Variants in UGT1A6 observed in about 807,000 individuals in gnomAD.
The protein encoded by UGT1A6 is UDP glucuronosyltransferase family 1 member A6.
Under a neutral mutation model 44.4 loss-of-function variants are expected in UGT1A6, and 32 were observed. The ratio of observed to expected loss-of-function variants is 0.72; its 90% CI spans 0.54 to 0.97. The LOEUF is 0.97. Among genes scored for constraint, UGT1A6 ranks in the 50% least tolerant of loss-of-function variants. The pLI is 0.00. For missense variants in UGT1A6, 685 were observed against 661.9 expected, an observed-to-expected ratio of 1.03 and a Z score of -0.38; for synonymous variants, 238 against 248.5, an observed-to-expected ratio of 0.96 and a Z score of 0.40.
At position 233,743,406 on chromosome 2, in the gene UGT1A6, C is replaced by T. The variant is rs904424565; in HGVS notation, c.862-23628C>T. 16 of 1,310,784 alleles carry T rather than the reference C, an allele frequency of 1.2e-5. No individual in the cohort carries two copies. In the Admixed American group the frequency reaches 2.0e-4, roughly 16 times the overall value. The allele number at this position is 1,310,784 out of a possible 1,614,324, so 81.2% of individuals were successfully genotyped here. A position where few individuals can be genotyped will look rare whatever the true frequency, so the allele number is the denominator to read the frequency against. On this transcript the variant is annotated intron_variant, in intron 1 of 4. Transcript: ENST00000305139. ...AGGACATGCAGAAGGAAGAAAGGCC[C>T]CCACTTCCCAGGGAGCCAAAGGAAC...
intron 1 of UGT1A6, chr2:233,719,131 A>T: frequency 2.5e-6 from 4 of 1,614,200 alleles, no homozygotes; most frequent in Non-Finnish European, 3.4e-6. Flanking sequence ...TTTGAAACAG[A>T]ACATCTTCTG....
At chr2:233,706,646 C>T (rs1489245127) in intron 1 of UGT1A6, among the ~76,000 whole-genome samples, 1 of 152,072 alleles carries the variant, frequency 6.6e-6, no homozygotes, top group Non-Finnish European at 1.5e-5. Flanking sequence ...GTGTCTGTGC[C>T]CCATCACTGT....
intron 1 of UGT1A6, among the ~76,000 whole-genome samples, chr2:233,694,695 C>T (rs767071977): frequency 2.6e-4 from 40 of 152,288 alleles, no homozygotes; most frequent in Admixed American, 1.3e-3. Flanking sequence ...AGACCCTTAC[C>T]TCTCTTCTTT....
intron 1 of UGT1A6, among the ~76,000 whole-genome samples, chr2:233,694,123 T>TA: frequency 6.6e-6 from 1 of 152,238 alleles, no homozygotes; most frequent in East Asian, 1.9e-4. Flanking sequence ...GACAGTCACA[T>TA]ACTCATTGAA....
intron 1 of UGT1A6, among the ~76,000 whole-genome samples, chr2:233,701,090 G>A (rs1014206515): frequency 6.6e-6 from 1 of 152,156 alleles, no homozygotes; most frequent in Non-Finnish European, 1.5e-5. Flanking sequence ...TGGTGTATAT[G>A]TGCCACATTT....
upstream of UGT1A6, among the ~76,000 whole-genome samples, chr2:233,692,668 A>G (rs1449549810): frequency 1.3e-5 from 2 of 152,184 alleles, no homozygotes; most frequent in African/African-American, 4.8e-5. Flanking sequence ...TTCGGGATAG[A>G]GAATTGGCAG....
intron 1 of UGT1A6, among the ~76,000 whole-genome samples, chr2:233,763,438 G>A (rs1487731202): frequency 6.6e-6 from 1 of 152,146 alleles, no homozygotes; most frequent in African/African-American, 2.4e-5. Context: ...GCTTTAATAA[G>A]TGCATTTTGC....
chr2:233,700,852 C>G (rs1159927866), intron 1 of UGT1A6, among the ~76,000 whole-genome samples: 2 of 152,028 alleles, frequency 1.3e-5, no homozygotes, highest in Non-Finnish European at 2.9e-5. Context: ...AGGTATATCT[C>G]CTAATGCTAT....
At chr2:233,750,164 A>C (rs1331972474) in intron 1 of UGT1A6, among the ~76,000 whole-genome samples, 1 of 151,848 alleles carries the variant, frequency 6.6e-6, no homozygotes, top group Non-Finnish European at 1.5e-5. Context: ...AATGGTTTTG[A>C]CCAAAATGCT....
chr2:233,727,644 C>G lies in UGT1A6; in HGVS notation c.861+33779C>G, dbSNP rs139554548. On this transcript the variant is annotated intron_variant, in intron 1 of 4. Coordinates refer to ENST00000305139, the MANE Select transcript of UGT1A6 (RefSeq NM_001072.4). ...AGAGGTTGCACCCACAGCTGAGAAT[C>G]CCTTTCTAGTGCTCTATGTCCTTAC... Among the ~76,000 whole-genome samples the G allele has an allele frequency of 3.3e-5, 5 of 152,272 alleles. No individual in the cohort carries two copies. In the East Asian group the frequency reaches 9.7e-4, roughly 29 times the overall value.
chr2:233,748,973 C>T (rs1032988654), intron 1 of UGT1A6, among the ~76,000 whole-genome samples: 3 of 151,678 alleles, frequency 2.0e-5, no homozygotes, highest in African/African-American at 7.3e-5. Flanking sequence ...ATAGTGGGAT[C>T]TACTTCTTTA....
At chr2:233,758,809 A>G (rs563319079) in intron 1 of UGT1A6, among the ~76,000 whole-genome samples, 28 of 152,366 alleles carry the variant, frequency 1.8e-4, no homozygotes, top group Non-Finnish European at 3.7e-4. Flanking sequence ...TGTATAGTAC[A>G]GCAGTATATC....
chr2:233,755,312 G>A (rs976147893), intron 1 of UGT1A6: 4 of 551,240 alleles, frequency 7.3e-6, no homozygotes, highest in South Asian at 3.7e-5. Flanking sequence ...CACAGCGAGC[G>A]GCAAGGCTGC....
chr2:233,697,515 T>A (rs11894379), intron 1 of UGT1A6, among the ~76,000 whole-genome samples: 4,554 of 150,122 alleles, frequency 0.03, 92 homozygotes, highest in Middle Eastern at 0.054. Context: ...TTTTTTTTTT[T>A]AAAAAACTTT....
intron 1 of UGT1A6, among the ~76,000 whole-genome samples, chr2:233,759,519 G>A (rs757989605): frequency 9.9e-5 from 15 of 152,084 alleles, no homozygotes; most frequent in Non-Finnish European, 2.2e-4. Context: ...GCCTGTCCTT[G>A]GGGAAGACTT....
At chr2:233,747,739 T>G in intron 1 of UGT1A6, 1 of 1,613,426 alleles carries the variant, frequency 6.2e-7, no homozygotes, top group African/African-American at 1.3e-5. Context: ...TTGAGGAACA[T>G]TCCATGTGAT....
At position 233,713,960 on chromosome 2, in the gene UGT1A6, A is replaced by T; in HGVS notation, c.861+20095A>T. 4.4e-6 allele frequency: 7 copies of T among 1,607,060 alleles called. No homozygotes were observed. The East Asian group carries it at 1.3e-4, about 31-fold the overall frequency. The stretch of plus-strand genomic sequence containing the variant: ...TCCATATCTACTTATCTTTCCAAAG[A>T]TTTCATTTCTGCTTCTCATTGTTGT... On this transcript the variant is annotated intron_variant, in intron 1 of 4. Coordinates refer to ENST00000305139, the MANE Select transcript of UGT1A6 (RefSeq NM_001072.4).
At chr2:233,759,578 C>T (rs1477020386) in intron 1 of UGT1A6, among the ~76,000 whole-genome samples, 1 of 151,810 alleles carries the variant, frequency 6.6e-6, no homozygotes, top group East Asian at 1.9e-4. Context: ...ATTCTCTACC[C>T]CAGCACGCCC....
chr2:233,742,812 T>C (rs992545321), intron 1 of UGT1A6: 2 of 153,630 alleles, frequency 1.3e-5, no homozygotes, highest in African/African-American at 4.9e-5. Context: ...AGTATTGATA[T>C]TATTTGTAGA....
Sources: gnomAD v4.1 joint callset for allele counts (sites outside exome capture counted in the v4.1 genomes callset) on GRCh38, gnomAD v4.1.1 for gene constraint, MANE v1.5 for transcripts, NCBI Gene and HGNC (gene_info 2026-07-23, HGNC 2026-07-21) for gene names.